Variants in RBPJ observed in about 807,000 individuals in gnomAD.
RBPJ encodes recombining binding protein suppressor of hairless.
RBPJ carries 9 observed loss-of-function variants against 67.8 expected under a neutral mutation model. That is an observed-to-expected ratio of 0.13 (90% CI 0.08 to 0.23). RBPJ has a LOEUF of 0.23. Ranked by LOEUF, RBPJ falls within the 10% of genes least tolerant of loss-of-function variation. The pLI, the probability that RBPJ is intolerant of heterozygous loss-of-function variation, is 1.00. For synonymous variants in RBPJ, 198 were observed against 203.3 expected (o/e 0.97, Z 0.22); for missense variants, 305 against 595.6 (o/e 0.51, Z 5.08).
chr4:26,306,146 A>G (rs1030842446), intron 1 of RBPJ, among the ~76,000 whole-genome samples: 1 of 152,054 alleles, frequency 6.6e-6, no homozygotes, highest in African/African-American at 2.4e-5. Flanking sequence ...TCATCTGAAG[A>G]TACAGACACT....
intron 1 of RBPJ, among the ~76,000 whole-genome samples, chr4:26,218,980 G>T (rs533363228): frequency 6.6e-6 from 1 of 152,282 alleles, no homozygotes; most frequent in East Asian, 1.9e-4. Flanking sequence ...GCCTCTTCAG[G>T]GCTATCCAGC....
At chr4:26,318,765 G>A (rs1722752284), upstream of RBPJ, among the ~76,000 whole-genome samples, 1 of 151,918 alleles carries the variant, frequency 6.6e-6, no homozygotes, top group Admixed American at 6.6e-5. Context: ...TTGGGAGGCC[G>A]AGGCGGGCGG....
chr4:26,424,543 A>C lies in RBPJ; in HGVS notation c.634+64A>C. The stretch of plus-strand genomic sequence containing the variant: ...AATTGTTAAAATCTTTTGATGAGAT[A>C]CATGGATATATTAAGTTTTGTCATT... On this transcript the variant is annotated intron_variant, in intron 6 of 10. Transcript: ENST00000355476. This position sits in a 1 kb window ranked among gnomAD's most constrained non-coding sequence, Gnocchi z 5.3. 1 of 1,567,552 alleles carries C rather than the reference A, an allele frequency of 6.4e-7. No individual in the cohort carries two copies. The highest frequency in any genetic ancestry group is 1.1e-5 in the South Asian group (1 of 88,638).
At chr4:26,239,356 C>A (rs1719556852) in intron 1 of RBPJ, among the ~76,000 whole-genome samples, 1 of 152,142 alleles carries the variant, frequency 6.6e-6, no homozygotes, top group Admixed American at 6.5e-5. Flanking sequence ...CTTTGTTTTG[C>A]TTTTCTTGGT....
intron 1 of RBPJ, among the ~76,000 whole-genome samples, chr4:26,164,794 T>C (rs948892921): frequency 3.3e-5 from 5 of 152,186 alleles, no homozygotes; most frequent in East Asian, 1.9e-4. Context: ...GGGGGGACCA[T>C]CTGCTAGTTC....
chr4:26,346,147 C>G (rs1010392648), intron 1 of RBPJ, among the ~76,000 whole-genome samples: 1 of 152,280 alleles, frequency 6.6e-6, no homozygotes, highest in African/African-American at 2.4e-5. Context: ...TTCATCATCT[C>G]ACTCCCAAAA....
chr4:26,373,126 C>T (rs1729336955), intron 1 of RBPJ, among the ~76,000 whole-genome samples: 1 of 152,084 alleles, frequency 6.6e-6, no homozygotes, highest in South Asian at 2.1e-4. Flanking sequence ...TATTAACACT[C>T]AAGCAAAAAA....
chr4:26,346,812 T>C (rs1414396969), intron 1 of RBPJ, among the ~76,000 whole-genome samples: 1 of 151,926 alleles, frequency 6.6e-6, no homozygotes, highest in Non-Finnish European at 1.5e-5. Flanking sequence ...GCCAATGTGG[T>C]GAAACCCTGT....
chr4:26,210,686 C>CTTTCTTTCTTTCTTT (rs56289492), intron 1 of RBPJ, among the ~76,000 whole-genome samples: 5,550 of 64,086 alleles, frequency 0.087, 943 homozygotes, highest in East Asian at 0.14. Flanking sequence ...TTCTTTCTTT[C>CTTTCTTTCTTTCTTT]CTTTCTTTCT....
At chr4:26,192,167 C>A (rs1717583539) in intron 1 of RBPJ, among the ~76,000 whole-genome samples, 1 of 152,096 alleles carries the variant, frequency 6.6e-6, no homozygotes, top group Non-Finnish European at 1.5e-5. Context: ...GCCACCACGC[C>A]CGGCTACTTT....
At chr4:26,161,676 T>C, upstream of RBPJ, among the ~76,000 whole-genome samples, 1 of 152,118 alleles carries the variant, frequency 6.6e-6, no homozygotes, top group East Asian at 1.9e-4. Context: ...ATAAAATAAA[T>C]AACAGATACA....
At chr4:26,175,145 A>T (rs1374986293) in intron 1 of RBPJ, among the ~76,000 whole-genome samples, 7 of 152,248 alleles carry the variant, frequency 4.6e-5, no homozygotes, top group African/African-American at 1.4e-4. Flanking sequence ...TGAATAGCAG[A>T]AGAGAATGTC....
chr4:26,404,781 T>C (rs1438314143), intron 2 of RBPJ, among the ~76,000 whole-genome samples: 1 of 152,190 alleles, frequency 6.6e-6, no homozygotes, highest in Non-Finnish European at 1.5e-5. Context: ...ATTGATGCCT[T>C]TATTCACACT....
intron 1 of RBPJ, among the ~76,000 whole-genome samples, chr4:26,363,563 C>T (rs1425711576): frequency 2.0e-5 from 3 of 152,086 alleles, no homozygotes; most frequent in Admixed American, 6.5e-5. Context: ...CTCAGCCTTC[C>T]GAGTAGCTGG....
chr4:26,206,794 C>T lies in RBPJ; in HGVS notation c.-167+43180C>T, dbSNP rs567703862. ...AATCCTGGCCAGTTTTCCTCCTTCACGGGTTTTCGCAGTCACTACAAGAAA... is the reference window on the plus strand; with the variant it reads ...AATCCTGGCCAGTTTTCCTCCTTCATGGGTTTTCGCAGTCACTACAAGAAA... On this transcript the variant is annotated intron_variant, in intron 1 of 4. Transcript: ENST00000512351. Among the ~76,000 whole-genome samples the T allele has an allele frequency of 3.3e-5, 5 of 149,496 alleles. No homozygotes were observed. The South Asian group carries it at 8.4e-4, about 25-fold the overall frequency.
chr4:26,228,977 CA>C (rs1719180733), intron 1 of RBPJ, among the ~76,000 whole-genome samples: 1 of 152,206 alleles, frequency 6.6e-6, no homozygotes, highest in South Asian at 2.1e-4. Context: ...CTTAATAAAA[CA>C]ACTATTGGCT....
chr4:26,306,023 T>A (rs1047895699), intron 1 of RBPJ, among the ~76,000 whole-genome samples: 2 of 85,446 alleles, frequency 2.3e-5, no homozygotes, highest in Non-Finnish European at 4.7e-5. Context: ...TGAGCTCAGG[T>A]GATCCACCCA....
intron 1 of RBPJ, among the ~76,000 whole-genome samples, chr4:26,190,699 G>A (rs1029379542): frequency 6.6e-6 from 1 of 152,036 alleles, no homozygotes; most frequent in Non-Finnish European, 1.5e-5. Context: ...TGAATACAGG[G>A]GACCCTCTTT....
At chr4:26,187,912 A>T (rs931264184) in intron 1 of RBPJ, among the ~76,000 whole-genome samples, 2 of 152,208 alleles carry the variant, frequency 1.3e-5, no homozygotes, top group African/African-American at 2.4e-5. Context: ...CTGTAATCCC[A>T]GCTACTCAGG....
Sources: allele counts gnomAD v4.1 joint callset (sites outside exome capture counted in the v4.1 genomes callset), GRCh38; gene constraint gnomAD v4.1.1; non-coding constraint Gnocchi (gnomAD v3.1); transcripts MANE v1.5; gene names NCBI Gene and HGNC (gene_info 2026-07-23, HGNC 2026-07-21).